The following APBA1 variants were observed in gnomAD, a reference collection of about 807,000 sequenced individuals.
APBA1 encodes the protein amyloid-beta A4 precursor protein-binding family A member 1.
A neutral mutation model predicts 86.6 loss-of-function variants in APBA1; 55 were observed. That is an observed-to-expected ratio of 0.64 (90% CI 0.51 to 0.80). APBA1 has a LOEUF of 0.80. Among genes scored for constraint, APBA1 ranks in the 30% least tolerant of loss-of-function variants. APBA1 has a pLI of 0.00. For synonymous variants in APBA1, 511 were observed against 493.9 expected, an observed-to-expected ratio of 1.03 and a Z score of -0.46; for missense variants, 1,090 against 1,183.0, an observed-to-expected ratio of 0.92 and a Z score of 1.15.
At chr9:69,667,827 G>A (rs1048540830) in intron 1 of APBA1, among the ~76,000 whole-genome samples, 10 of 151,028 alleles carry the variant, frequency 6.6e-5, no homozygotes, top group Non-Finnish European at 1.3e-4. Flanking sequence ...CTTCCCCCAC[G>A]CCTCCCTTCA....
At chr9:69,515,101 A>C (rs1356485765) in intron 2 of APBA1, among the ~76,000 whole-genome samples, 1 of 152,190 alleles carries the variant, frequency 6.6e-6, no homozygotes, top group African/African-American at 2.4e-5. Context: ...ACTTTACCTG[A>C]GAACCAGAGA....
At chr9:69,499,318 CCA>C (rs763284031) in intron 2 of APBA1, among the ~76,000 whole-genome samples, 1 of 152,024 alleles carries the variant, frequency 6.6e-6, no homozygotes, top group Non-Finnish European at 1.5e-5. Flanking sequence ...AAGAATTGAT[CCA>C]CTTGGGGAAA....
chr9:69,550,209 G>T (rs1836763259), intron 1 of APBA1, among the ~76,000 whole-genome samples: 1 of 152,168 alleles, frequency 6.6e-6, no homozygotes, highest in South Asian at 2.1e-4. Context: ...TAACTGTAAA[G>T]TGTTGTGCAC....
Position 69,455,016 on chromosome 9 carries a change from T to C in APBA1, c.1788+1231A>G, listed in dbSNP as rs144263199. Among the ~76,000 whole-genome samples, 66 of 152,232 alleles carry C rather than the reference T, an allele frequency of 4.3e-4. 1 individual carries two copies. The East Asian group carries it at 0.012, about 27-fold the overall frequency. On this transcript the variant is annotated intron_variant, in intron 8 of 12. Coordinates refer to ENST00000265381, the MANE Select transcript of APBA1 (RefSeq NM_001163.4). ...CAAGACCAATAAAAGATGGTGACAG[T>C]AAGTGTTGGCATCTCCTCCTCTCTG...
At chr9:69,444,399 C>G (rs894324137) in intron 10 of APBA1, among the ~76,000 whole-genome samples, 1 of 152,200 alleles carries the variant, frequency 6.6e-6, no homozygotes, top group African/African-American at 2.4e-5. Flanking sequence ...TCAATAGGAC[C>G]AGCACAGCCT....
At chr9:69,444,980 G>C (rs184996791) in intron 10 of APBA1, among the ~76,000 whole-genome samples, 4 of 152,340 alleles carry the variant, frequency 2.6e-5, no homozygotes, top group African/African-American at 4.8e-5. Context: ...GGAAAGAAGA[G>C]AGATGAATGA....
intron 1 of APBA1, among the ~76,000 whole-genome samples, chr9:69,639,424 A>G (rs1189325335): frequency 6.6e-6 from 1 of 152,206 alleles, no homozygotes; most frequent in Non-Finnish European, 1.5e-5. Flanking sequence ...CAGGGGAAGT[A>G]GCTGATTCCA....
At position 69,456,296 on chromosome 9, in the gene APBA1, T is replaced by C. The variant is rs1425739961; in HGVS notation, c.1739A>G (p.Asp580Gly). ...GATCATCTTGTACTGCCTTTTCCCA[T>C]CCTGGGATGGGTGGGACGCTTCCAC... ...ENVEASHPSQ[D>G]GKRQYKMICH... Residue 580 changes from aspartate to glycine, a missense_variant, in exon 8 of 13, where the codon GAT becomes GGT. Transcript: ENST00000265381. The C allele has an allele frequency of 5.0e-6, 8 of 1,614,186 alleles. No individual in the cohort carries two copies. Among genetic ancestry groups the C allele is most frequent in the Non-Finnish European group, 6.8e-6 (8 of 1,180,024 alleles).
At position 69,452,264 on chromosome 9, in the gene APBA1, C is replaced by T; in HGVS notation, c.1826G>A (p.Ser609Asn). Residue 609 changes from serine (S) to asparagine (N), a missense_variant, in exon 9 of 13, where the codon AGC becomes AAC. Ser to Asn is a conservative substitution (Grantham distance 46). Transcript: ENST00000265381. ...LIAQSIGQAF[S>N]VAYQEFLRAN... Reference sequence around the variant, plus strand: ...CCTGAGGAATTCCTGGTATGCCACGCTAAATGCCTGTCCGATGGACTGTGC... The same window carrying T: ...CCTGAGGAATTCCTGGTATGCCACGTTAAATGCCTGTCCGATGGACTGTGC... 1 of 1,614,244 alleles carries T rather than the reference C, an allele frequency of 6.2e-7. No homozygotes were observed. The highest frequency in any genetic ancestry group is 8.5e-7 in the Non-Finnish European group (1 of 1,180,048).
chr9:69,665,249 C>T (rs1035846207), intron 1 of APBA1, among the ~76,000 whole-genome samples: 3 of 152,162 alleles, frequency 2.0e-5, no homozygotes, highest in South Asian at 2.1e-4. Context: ...AGCTGCCCAC[C>T]GTGGTAACCT....
rs573799656 is a variant in APBA1, at chr9:69,488,969, T to G, written c.1201-12826A>C. Among the ~76,000 whole-genome samples the G allele has an allele frequency of 1.3e-3, 197 of 151,972 alleles. 2 individuals carry two copies. Among genetic ancestry groups the G allele is most frequent in the African/African-American group, 4.2e-3 (174 of 41,436 alleles). ...AGGAGAACTACAAACCACTGCTCAATGAAATAAAAGAGGACACAAACAAAT... is the reference window on the plus strand; with the variant it reads ...AGGAGAACTACAAACCACTGCTCAAGGAAATAAAAGAGGACACAAACAAAT... On this transcript the variant is annotated intron_variant, in intron 2 of 12. Transcript: ENST00000265381.
At chr9:69,585,372 G>C (rs1281422278) in intron 1 of APBA1, among the ~76,000 whole-genome samples, 2 of 152,200 alleles carry the variant, frequency 1.3e-5, no homozygotes, top group African/African-American at 4.8e-5. Context: ...GACAACAGAA[G>C]AGATGATAAG....
At chr9:69,609,997 C>T (rs532004748) in intron 1 of APBA1, among the ~76,000 whole-genome samples, 21 of 152,168 alleles carry the variant, frequency 1.4e-4, no homozygotes, top group Admixed American at 4.6e-4. Context: ...ACTTGGGATC[C>T]GATCTGATTA....
chr9:69,460,391 C>T (rs971994968), intron 5 of APBA1, among the ~76,000 whole-genome samples: 6 of 152,196 alleles, frequency 3.9e-5, no homozygotes, highest in African/African-American at 9.7e-5. Flanking sequence ...TGCCACACCA[C>T]GAGGATTCCC....
intron 5 of APBA1, 94 bp downstream of exon 5, chr9:69,467,729 T>C: frequency 3.3e-6 from 5 of 1,517,888 alleles, no homozygotes; most frequent in Non-Finnish European, 4.5e-6. Flanking sequence ...ACCACTCTCC[T>C]CTAAACTATA....
At chr9:69,527,820 G>A (rs560495966) in intron 1 of APBA1, among the ~76,000 whole-genome samples, 1 of 152,190 alleles carries the variant, frequency 6.6e-6, no homozygotes, top group African/African-American at 2.4e-5. Context: ...TTTGGGCTTT[G>A]AAACTACCAG....
At position 69,476,059 on chromosome 9, in the gene APBA1, T is replaced by C. The variant is rs777800603; in HGVS notation, c.1285A>G (p.Thr429Ala). ...LHPSDPVEASTNKESRKSLAS... is the reference protein window; with the variant it reads ...LHPSDPVEASANKESRKSLAS... ...AAACAGCACCCTACCTCTTTATTAG[T>C]GGACGCTTCCACAGGGTCACTGGGG... is the stretch of plus-strand genomic sequence containing the variant. Residue 429 changes from threonine (T) to alanine (A), a missense_variant, in exon 3 of 13, where the codon ACT becomes GCT. Transcript: ENST00000265381. The C allele has an allele frequency of 6.2e-7, 1 of 1,614,026 alleles. No homozygotes were observed. The highest frequency in any genetic ancestry group is 1.7e-5 in the Admixed American group (1 of 60,018).
In APBA1 at chr9:69,611,300, A is replaced by AC. The variant is rs1382721043; in HGVS notation, c.-70+60852_-70+60853insG. ...ACCAGAAAAGGAAAAAAAAAAAAAA[A>AC]AAAACAAAAAAAAAACCCAAACCGG... On this transcript the variant is annotated intron_variant, in intron 1 of 12. Coordinates refer to ENST00000265381, the MANE Select transcript of APBA1 (RefSeq NM_001163.4). Among the ~76,000 whole-genome samples the AC allele has an allele frequency of 4.4e-4, 66 of 151,024 alleles. 1 individual carries two copies. The highest frequency in any genetic ancestry group is 3.5e-4 in the Non-Finnish European group (24 of 67,694).
At chr9:69,463,387 C>T (rs930596447) in intron 5 of APBA1, 1 of 152,148 alleles carries the variant, frequency 6.6e-6, no homozygotes, top group Admixed American at 6.5e-5. Flanking sequence ...AAATACCTGG[C>T]CAAACCGCAG....
Sources: allele counts gnomAD v4.1 joint callset (sites outside exome capture counted in the v4.1 genomes callset), GRCh38; gene constraint gnomAD v4.1.1; transcripts MANE v1.5; gene names NCBI Gene and HGNC (gene_info 2026-07-23, HGNC 2026-07-21).